FDX1: variants seen among roughly 807,000 people sequenced by gnomAD.
FDX1 encodes adrenodoxin, mitochondrial.
In FDX1, 9 loss-of-function variants were observed where a neutral mutation model predicts 14.9. The ratio of observed to expected loss-of-function variants is 0.60; its 90% CI spans 0.36 to 1.05. The LOEUF is 1.05. Among genes scored for constraint, FDX1 ranks in the 50% least tolerant of loss-of-function variants. The pLI is 0.01. For synonymous variants in FDX1, 92 were observed against 99.4 expected, an observed-to-expected ratio of 0.93 and a Z score of 0.44; for missense variants, 204 against 237.2, an observed-to-expected ratio of 0.86 and a Z score of 0.92.
chr11:110,442,072 A>G lies in FDX1; in HGVS notation c.310+6114A>G, dbSNP rs370424805. On this transcript the variant is annotated intron_variant, in intron 2 of 3. Coordinates refer to ENST00000260270, the MANE Select transcript of FDX1 (RefSeq NM_004109.5). Reference sequence around the variant, plus strand: ...GCTTCCATGTGGTATTGAGCCTGCTAGTGTACAGAAGTCAAGAACTGGGGC... The same window carrying G: ...GCTTCCATGTGGTATTGAGCCTGCTGGTGTACAGAAGTCAAGAACTGGGGC... 3.3e-5 allele frequency among the ~76,000 whole-genome samples: 5 copies of G among 152,212 alleles called. No homozygotes were observed. In the East Asian group the frequency reaches 9.6e-4, roughly 29 times the overall value.
upstream of FDX1, chr11:110,429,923 T>C (rs1347109757): frequency 1.5e-5 from 5 of 335,820 alleles, no homozygotes; most frequent in East Asian, 2.3e-4. Context: ...TGCTTGCCAA[T>C]GTCTTTATAG....
chr11:110,452,857 A>G (rs1181909680), intron 2 of FDX1, among the ~76,000 whole-genome samples: 1 of 152,232 alleles, frequency 6.6e-6, no homozygotes, highest in Non-Finnish European at 1.5e-5. Context: ...GATTCTATTT[A>G]TATGAACATT....
rs773676725 is a variant in FDX1, at chr11:110,456,926, G to T, written c.319G>T (p.Glu107Ter). Residue 107 changes from glutamate (E) to a stop codon, truncating the protein, a stop_gained, in exon 3 of 4, where the codon GAG becomes TAG. Coordinates refer to ENST00000260270, the MANE Select transcript of FDX1 (RefSeq NM_004109.5). LOFTEE classifies it high-confidence loss of function. The stretch of plus-strand genomic sequence containing the variant: ...TTTGTTGCTTTTGTCAGGTGCATGT[G>T]AGGGAACCCTGGCTTGTTCAACCTG... The part of the protein sequence containing the change: ...NLDIDGFGAC[E>*]GTLACSTCHL... The T allele has an allele frequency of 6.2e-7, 1 of 1,611,768 alleles. No individual in the cohort carries two copies. The highest frequency in any genetic ancestry group is 8.5e-7 in the Non-Finnish European group (1 of 1,178,844).
At chr11:110,457,121 G>A in intron 3 of FDX1, 74 bp downstream of exon 3, 1 of 1,333,826 alleles carries the variant, frequency 7.5e-7, no homozygotes, top group Non-Finnish European at 1.0e-6. Flanking sequence ...GTCTATGTAA[G>A]ACCAGACCCA....
At chr11:110,430,430 T>A in intron 1 of FDX1, 125 bp downstream of exon 1, 1 of 574,210 alleles carries the variant, frequency 1.7e-6, no homozygotes, top group Non-Finnish European at 2.4e-6. Flanking sequence ...CCCGGAGGCC[T>A]GCCTCTCGCC....
chr11:110,451,291 C>A (rs542851393), intron 2 of FDX1, among the ~76,000 whole-genome samples: 4 of 152,312 alleles, frequency 2.6e-5, no homozygotes, highest in African/African-American at 9.6e-5. Context: ...CTGACTTAAT[C>A]ACCATTTATA....
In FDX1 at chr11:110,464,326, T is replaced by A. The variant is rs1946579788; in HGVS notation, c.*1858T>A. The A allele has an allele frequency of 6.6e-6, 1 of 152,292 alleles. No homozygotes were observed. The highest frequency in any genetic ancestry group is 1.9e-4 in the East Asian group (1 of 5,198). 9.4% of individuals were successfully genotyped at this position (152,292 alleles called of 1,614,324 possible). On this transcript the variant is annotated 3_prime_UTR_variant, in exon 4 of 4. Coordinates refer to ENST00000260270, the MANE Select transcript of FDX1 (RefSeq NM_004109.5). ...GAAAAGAGATTTATTTGGATCATGG[T>A]TCTGGAGGCTGGGAGGTCCAAGAGC... is the stretch of plus-strand genomic sequence containing the variant.
intron 2 of FDX1, among the ~76,000 whole-genome samples, chr11:110,441,592 A>G (rs926324249): frequency 2.0e-5 from 3 of 152,248 alleles, no homozygotes; most frequent in African/African-American, 7.2e-5. Context: ...GATGATACTT[A>G]GGGTATCTGG....
intron 1 of FDX1, among the ~76,000 whole-genome samples, chr11:110,432,913 T>C (rs1003250319): frequency 1.3e-5 from 2 of 152,264 alleles, no homozygotes; most frequent in South Asian, 4.1e-4. Context: ...TGTTTACCTT[T>C]AATACAGACC....
At chr11:110,461,134 A>C (rs191699269) in intron 3 of FDX1, among the ~76,000 whole-genome samples, 1 of 152,286 alleles carries the variant, frequency 6.6e-6, no homozygotes, top group East Asian at 1.9e-4. Context: ...CACTTAACAT[A>C]TTTTCTGAAT....
chr11:110,439,235 T>C (rs7121043), intron 2 of FDX1, among the ~76,000 whole-genome samples: 46,105 of 151,384 alleles, frequency 0.3, 7,234 homozygotes, highest in East Asian at 0.38. Context: ...CGAGACGGAG[T>C]CTCACTCTGT....
At chr11:110,429,671 GT>G (rs201426735), upstream of FDX1, among the ~76,000 whole-genome samples, 82 of 149,590 alleles carry the variant, frequency 5.5e-4, no homozygotes, top group Non-Finnish European at 9.4e-4. Context: ...CAATTTCCCA[GT>G]TTTTTTTTTA....
At chr11:110,435,721 G>C in intron 1 of FDX1, 113 bp from the exon 2 acceptor site, 1 of 699,624 alleles carries the variant, frequency 1.4e-6, no homozygotes, top group Non-Finnish European at 2.2e-6. Context: ...CAGGCGTGGT[G>C]CTGGGCACCT....
chr11:110,451,306 G>GT (rs1219582729), intron 2 of FDX1, among the ~76,000 whole-genome samples: 2 of 152,136 alleles, frequency 1.3e-5, no homozygotes, highest in Non-Finnish European at 2.9e-5. Flanking sequence ...TTTATAGCTT[G>GT]TTTTTTGGGA....
At chr11:110,458,903 C>T (rs1480346332) in intron 3 of FDX1, among the ~76,000 whole-genome samples, 1 of 152,192 alleles carries the variant, frequency 6.6e-6, no homozygotes, top group African/African-American at 2.4e-5. Flanking sequence ...CCGTGCCTGG[C>T]TTCAATGTTT....
intron 2 of FDX1, among the ~76,000 whole-genome samples, chr11:110,448,864 G>A (rs550351819): frequency 1.3e-5 from 2 of 152,262 alleles, no homozygotes; most frequent in South Asian, 4.1e-4. Flanking sequence ...TGTGTGAGTT[G>A]TAAATTTTAC....
chr11:110,435,799 TACTAAAAATACTAAAGG>T lies in FDX1; in HGVS notation c.186-31_186-15del. 1 of 1,510,136 alleles carries T rather than the reference TACTAAAAATACTAAAGG, an allele frequency of 6.6e-7. No homozygotes were observed. The highest frequency in any genetic ancestry group is 9.0e-7 in the Non-Finnish European group (1 of 1,108,026). 93.5% of individuals were successfully genotyped at this position (1,510,136 alleles called of 1,614,324 possible). On this transcript the variant is annotated intron_variant, in intron 1 of 3. Coordinates refer to ENST00000260270, the MANE Select transcript of FDX1 (RefSeq NM_004109.5). ...ATTATTTTAAATTATGTTTTGAAAT[TACTAAAAATACTAAAGG>T]ACTGTTTTTTTTTCCAGCTCAGAAG...
chr11:110,445,377 A>G (rs529609281), intron 2 of FDX1, among the ~76,000 whole-genome samples: 2 of 151,300 alleles, frequency 1.3e-5, no homozygotes, highest in East Asian at 1.9e-4. Flanking sequence ...TTTTTTCTTC[A>G]TCACTTGTGA....
In FDX1 at chr11:110,430,074, C is replaced by T; in HGVS notation, c.-47C>T. On this transcript the variant is annotated 5_prime_UTR_variant, in exon 1 of 4. Coordinates refer to ENST00000260270, the MANE Select transcript of FDX1 (RefSeq NM_004109.5). The stretch of plus-strand genomic sequence containing the variant: ...CCGCCTCTTTGGAGTCTCTCGCGGC[C>T]TCAAAGCGCGGCCTGCGTCGCTTCC... 8.3e-7 allele frequency: 1 copy of T among 1,201,194 alleles called. No homozygotes were observed. The highest frequency in any genetic ancestry group is 1.0e-6 in the Non-Finnish European group (1 of 965,532). The allele number at this position is 1,201,194 out of a possible 1,614,324, so 74.4% of individuals were successfully genotyped here. A position where few individuals can be genotyped will look rare whatever the true frequency, so the allele number is the denominator to read the frequency against.
Sources: allele counts gnomAD v4.1 joint callset (sites outside exome capture counted in the v4.1 genomes callset), GRCh38; gene constraint gnomAD v4.1.1; transcripts MANE v1.5; gene names NCBI Gene and HGNC (gene_info 2026-07-23, HGNC 2026-07-21).